Variants in ZNF354C observed in about 807,000 individuals in gnomAD.
ZNF354C encodes the protein zinc finger protein 354C.
A neutral mutation model predicts 12.4 loss-of-function variants in ZNF354C; 7 were observed. The observed-to-expected ratio is 0.56, with a 90% CI of 0.32 to 1.06. The LOEUF (loss-of-function observed/expected upper bound fraction) is 1.06, where lower values mean the gene tolerates loss of function less well. ZNF354C is among the 50% of genes least tolerant of loss of function. The probability of loss-of-function intolerance (pLI) is 0.04; values close to 1 mark genes in which losing one functional copy is unlikely to be tolerated. For synonymous variants in ZNF354C, 202 were observed against 224.5 expected (o/e 0.90, Z 0.90); for missense variants, 609 against 658.0 (o/e 0.93, Z 0.81).
At chr5:179,070,712 C>A (rs1198915933) in intron 2 of ZNF354C, among the ~76,000 whole-genome samples, 1 of 152,148 alleles carries the variant, frequency 6.6e-6, no homozygotes, top group Non-Finnish European at 1.5e-5. Flanking sequence ...TCTCATCTTG[C>A]ATTTTAAAAA....
Position 179,079,580 on chromosome 5 carries a change from T to C in ZNF354C, c.1148T>C (p.Leu383Pro), listed in dbSNP as rs778416099. 4.1e-5 allele frequency: 66 copies of C among 1,614,022 alleles called. 1 individual carries two copies. The East Asian group carries it at 1.5e-3, about 36-fold the overall frequency. Residue 383 changes from leucine (L) to proline (P), a missense_variant, in exon 5 of 5, where the codon CTG (leucine) becomes CCG (proline). By Grantham distance (98) the Leu-to-Pro change is moderately conservative (BLOSUM62 -3). Transcript: ENST00000315475. The surrounding 1 kb of genome is among the most constrained non-coding windows in gnomAD (Gnocchi z 4.2). The part of the protein sequence containing the change: ...EHQRFHTGEQ[L>P]YTCLECGRTF... ...CAGAGGTTTCATACTGGAGAACAAC[T>C]GTATACATGCTTGGAATGTGGGAGA...
At chr5:179,062,723 G>A (rs1761911151) in intron 2 of ZNF354C, among the ~76,000 whole-genome samples, 1 of 152,194 alleles carries the variant, frequency 6.6e-6, no homozygotes, top group South Asian at 2.1e-4. Flanking sequence ...GAAGGAGGCA[G>A]GCCTGGGGCC....
intron 2 of ZNF354C, among the ~76,000 whole-genome samples, chr5:179,070,197 G>C (rs926543293): frequency 3.3e-5 from 5 of 152,166 alleles, no homozygotes; most frequent in Non-Finnish European, 7.3e-5. Context: ...AGGGGCCCAG[G>C]TTGTGTGCTC....
chr5:179,065,002 G>T (rs971105669), intron 2 of ZNF354C, among the ~76,000 whole-genome samples: 3 of 152,068 alleles, frequency 2.0e-5, no homozygotes, highest in Non-Finnish European at 4.4e-5. Flanking sequence ...GTCATAATTT[G>T]TTAATTACAT....
At chr5:179,070,045 C>G (rs552381059) in intron 2 of ZNF354C, among the ~76,000 whole-genome samples, 133 of 152,300 alleles carry the variant, frequency 8.7e-4, no homozygotes, top group African/African-American at 3.1e-3. Flanking sequence ...GTACCAGCTC[C>G]TGGTCTATTA....
At chr5:179,075,935 A>G (rs185027289) in intron 2 of ZNF354C, among the ~76,000 whole-genome samples, 1 of 152,352 alleles carries the variant, frequency 6.6e-6, no homozygotes, top group Non-Finnish European at 1.5e-5. Flanking sequence ...GAAACAGCAT[A>G]AATGTATTCT....
chr5:179,083,794 A>C lies in ZNF354C; in HGVS notation c.*3697A>C, dbSNP rs568832320. Reference sequence around the variant, plus strand: ...GATTTGGGAAGGAAACTAGAATTTGAAACAAGATCATTGTGGCGCTCCTGG... The same window carrying C: ...GATTTGGGAAGGAAACTAGAATTTGCAACAAGATCATTGTGGCGCTCCTGG... On this transcript the variant is annotated 3_prime_UTR_variant, in exon 5 of 5. Transcript: ENST00000315475. 2.0e-5 allele frequency among the ~76,000 whole-genome samples: 3 copies of C among 152,204 alleles called. No individual in the cohort carries two copies. Among genetic ancestry groups the C allele is most frequent in the Non-Finnish European group, 4.4e-5 (3 of 68,034 alleles).
chr5:179,069,984 C>A (rs541871656), intron 2 of ZNF354C, among the ~76,000 whole-genome samples: 8 of 152,154 alleles, frequency 5.3e-5, no homozygotes. Flanking sequence ...GCTAGAGCTA[C>A]GAGGAAACAG....
Position 179,078,014 on chromosome 5 carries a change from C to T in ZNF354C, c.251-669C>T, listed in dbSNP as rs112111049. Among the ~76,000 whole-genome samples the T allele has an allele frequency of 2.6e-3, 400 of 152,120 alleles. 3 individuals are homozygous for T. The highest frequency in any genetic ancestry group is 9.0e-3 in the African/African-American group (375 of 41,502). ...TAGAGACGGGGTTTCACCATGTTCT[C>T]CAGGCTGGTCTCAAACTCCTGAGCT... is the stretch of plus-strand genomic sequence containing the variant. On this transcript the variant is annotated intron_variant, in intron 4 of 4. Coordinates refer to ENST00000315475, the MANE Select transcript of ZNF354C (RefSeq NM_014594.3).
rs1313261244 is a variant in ZNF354C, at chr5:179,079,445, A to G, written c.1013A>G (p.Asn338Ser). ...YKCGECEKAF[N>S]CRAKLHRHQR... Reference sequence around the variant, plus strand: ...TGCGGCGAATGTGAGAAGGCCTTCAACTGTAGAGCAAAACTTCACAGGCAT... The same window carrying G: ...TGCGGCGAATGTGAGAAGGCCTTCAGCTGTAGAGCAAAACTTCACAGGCAT... The change falls in exon 5 of 5, where the codon AAC becomes AGC. Residue 338 changes from asparagine (N) to serine (S), a missense_variant. Asn to Ser is a conservative substitution (Grantham distance 46, BLOSUM62 1). Transcript: ENST00000315475. This position sits in a 1 kb window ranked among gnomAD's most constrained non-coding sequence, Gnocchi z 4.2. 1.2e-6 allele frequency: 2 copies of G among 1,613,866 alleles called. No individual in the cohort carries two copies. Among genetic ancestry groups the G allele is most frequent in the East Asian group, 2.2e-5 (1 of 44,802 alleles).
chr5:179,078,621 C>A, intron 4 of ZNF354C, 62 bp from the exon 5 acceptor site: 1 of 1,366,810 alleles, frequency 7.3e-7, no homozygotes, highest in Non-Finnish European at 1.0e-6. Context: ...TTTTTTGTCT[C>A]ACCGATACAT....
intron 2 of ZNF354C, among the ~76,000 whole-genome samples, chr5:179,071,169 T>C (rs6601009): frequency 0.053 from 8,032 of 152,036 alleles, 443 homozygotes; most frequent in African/African-American, 0.14. Flanking sequence ...TTTTTTTAAA[T>C]GCCGGCAGGA....
At chr5:179,068,563 T>G (rs1420923534) in intron 2 of ZNF354C, among the ~76,000 whole-genome samples, 2 of 152,200 alleles carry the variant, frequency 1.3e-5, no homozygotes, top group Non-Finnish European at 2.9e-5. Context: ...TTTTAGTCTC[T>G]GATTATGCTT....
rs200761213 is a variant in ZNF354C, at chr5:179,079,426, G to A, written c.994G>A (p.Glu332Lys). 684 of 1,613,898 alleles carry A rather than the reference G, an allele frequency of 4.2e-4. 5 individuals carry two copies. The South Asian group carries it at 4.8e-3, about 11-fold the overall frequency. Residue 332 changes from glutamate to lysine, a missense_variant, in exon 5 of 5, where the codon GAA becomes AAA. Coordinates refer to ENST00000315475, the MANE Select transcript of ZNF354C (RefSeq NM_014594.3). The surrounding 1 kb of genome is among the most constrained non-coding windows in gnomAD (Gnocchi z 4.2). ...HTGEKLYKCG[E>K]CEKAFNCRAK... Reference sequence around the variant, plus strand: ...TGGAGAGAAACTCTATAAATGCGGCGAATGTGAGAAGGCCTTCAACTGTAG... The same window carrying A: ...TGGAGAGAAACTCTATAAATGCGGCAAATGTGAGAAGGCCTTCAACTGTAG...
intron 3 of ZNF354C, 139 bp downstream of exon 3, chr5:179,076,710 C>A: frequency 1.8e-6 from 2 of 1,137,732 alleles, no homozygotes; most frequent in Non-Finnish European, 2.5e-6. Context: ...AAGTGTACAT[C>A]TTTGTTGTGA....
chr5:179,082,997 T>A lies in ZNF354C; in HGVS notation c.*2900T>A. The A allele has an allele frequency of 1.3e-6, 1 of 772,244 alleles. No homozygotes were observed. The allele number at this position is 772,244 out of a possible 1,614,324, so 47.8% of individuals were successfully genotyped here. ...AAAAGAGCTTCTTGCTATCCCCTACTTCATAGTTAATGAAGCCAAACTGAT... is the reference window on the plus strand; with the variant it reads ...AAAAGAGCTTCTTGCTATCCCCTACATCATAGTTAATGAAGCCAAACTGAT... On this transcript the variant is annotated 3_prime_UTR_variant, in exon 5 of 5. Transcript: ENST00000315475.
intron 2 of ZNF354C, among the ~76,000 whole-genome samples, chr5:179,070,018 C>T (rs143724248): frequency 1.4e-3 from 213 of 152,276 alleles, no homozygotes; most frequent in African/African-American, 4.9e-3. Flanking sequence ...GTCTCCAACC[C>T]CCAGTTTTGC....
intron 2 of ZNF354C, among the ~76,000 whole-genome samples, chr5:179,063,970 G>A (rs1761926565): frequency 6.6e-6 from 1 of 152,194 alleles, no homozygotes; most frequent in Non-Finnish European, 1.5e-5. Context: ...TTAATTAGAA[G>A]CAGATGGATA....
rs1762125215 is a variant in ZNF354C, at chr5:179,076,486, G to T, written c.69G>T (p.Gln23His). 1 of 1,614,116 alleles carries T rather than the reference G, an allele frequency of 6.2e-7. No individual in the cohort carries two copies. The highest frequency in any genetic ancestry group is 1.7e-5 in the Admixed American group (1 of 60,012). Reference protein sequence around the residue: ...TFRDVAVFFSQDEWLHLDSAQ... With the variant: ...TFRDVAVFFSHDEWLHLDSAQ... The stretch of plus-strand genomic sequence containing the variant: ...GGGATGTGGCCGTGTTCTTCAGCCA[G>T]GACGAGTGGTTGCACCTGGACTCTG... Residue 23 changes from glutamine to histidine, a missense_variant, in exon 3 of 5, where the codon CAG becomes CAT. Coordinates refer to ENST00000315475, the MANE Select transcript of ZNF354C (RefSeq NM_014594.3).
Sources: gnomAD v4.1 joint callset for allele counts (sites outside exome capture counted in the v4.1 genomes callset) on GRCh38, gnomAD v4.1.1 for gene constraint, Gnocchi (gnomAD v3.1) non-coding constraint, MANE v1.5 for transcripts, NCBI Gene and HGNC (gene_info 2026-07-23, HGNC 2026-07-21) for gene names.